The following PCDHA8 variants were observed in gnomAD, a reference collection of about 807,000 sequenced individuals.
PCDHA8 encodes protocadherin alpha 8, also known as protocadherin alpha-8.
In PCDHA8, 53 loss-of-function variants were observed where a neutral mutation model predicts 61.8. The observed-to-expected ratio is 0.86, with a 90% CI of 0.69 to 1.08. PCDHA8 has a LOEUF of 1.08. PCDHA8 is among the 50% of genes least tolerant of loss of function. The pLI is 0.00. For missense variants in PCDHA8, 1,293 were observed against 1,245.0 expected (o/e 1.04, Z -0.58); for synonymous variants, 618 against 556.6 (o/e 1.11, Z -1.55).
At chr5:140,871,443 T>C (rs1192118860) in intron 1 of PCDHA8, 13 of 1,610,650 alleles carry the variant, frequency 8.1e-6, no homozygotes, top group African/African-American at 1.3e-5. Flanking sequence ...TAGGTCTGAA[T>C]AAAGAGGAGG....
intron 1 of PCDHA8, among the ~76,000 whole-genome samples, chr5:140,940,131 G>A (rs1443086111): frequency 7.2e-5 from 11 of 152,092 alleles, no homozygotes; most frequent in African/African-American, 2.4e-4. Context: ...ATTTCTGCTA[G>A]TGATAAACTA....
chr5:140,874,053 CAATTT>C (rs1290519215), intron 1 of PCDHA8, among the ~76,000 whole-genome samples: 1 of 152,190 alleles, frequency 6.6e-6, no homozygotes, highest in Non-Finnish European at 1.5e-5. Flanking sequence ...TGATATTAGA[CAATTT>C]AAATAATTAG....
chr5:140,890,608 G>A (rs1451973329), intron 1 of PCDHA8, among the ~76,000 whole-genome samples: 1 of 152,026 alleles, frequency 6.6e-6, no homozygotes, highest in African/African-American at 2.4e-5. Flanking sequence ...AATAGCTAGT[G>A]CTTACCCTAG....
chr5:141,009,771 T>A lies in PCDHA8; in HGVS notation c.2687T>A (p.Ile896Asn). The change falls in exon 4 of 4, where the codon ATC (isoleucine) becomes AAC (asparagine). Residue 896 changes from isoleucine (I) to asparagine (N), a missense_variant. Transcript: ENST00000531613. The part of the protein sequence containing the change: ...DKFIIPGSPA[I>N]ISIRQEPTNS... ...TTCATTATCCCAGGATCTCCTGCAA[T>A]CATCTCCATCCGGCAGGAGCCTACT... 3 of 1,614,082 alleles carry A rather than the reference T, an allele frequency of 1.9e-6. No homozygotes were observed. Among genetic ancestry groups the A allele is most frequent in the Non-Finnish European group, 2.5e-6 (3 of 1,180,020 alleles).
intron 1 of PCDHA8, chr5:140,875,236 C>T: frequency 1.1e-6 from 1 of 889,228 alleles, no homozygotes. Context: ...CTTTCTTGTA[C>T]TTACATAATC....
At chr5:140,877,456 A>G (rs782196648) in intron 1 of PCDHA8, 18 of 1,613,802 alleles carry the variant, frequency 1.1e-5, no homozygotes, top group Non-Finnish European at 1.5e-5. Flanking sequence ...GCTGACGTCC[A>G]CGGCCACGGT....
In PCDHA8 at chr5:140,850,694, G is replaced by A. The variant is rs2150494629; in HGVS notation, c.2394+6979G>A. ...CGATGCCCACCGAGGGCGAGTGCGC[G>A]CCTGGCAAGCCGACGCTGGTGTGTT... On this transcript the variant is annotated intron_variant, in intron 1 of 3. Coordinates refer to ENST00000531613, the MANE Select transcript of PCDHA8 (RefSeq NM_018911.3). 483 of 1,598,228 alleles carry A rather than the reference G, an allele frequency of 3.0e-4. 44 individuals are homozygous for A. Among genetic ancestry groups the A allele is most frequent in the Non-Finnish European group, 3.8e-4 (449 of 1,167,808 alleles).
intron 1 of PCDHA8, chr5:140,928,748 G>T (rs191251073): frequency 6.2e-7 from 1 of 1,614,114 alleles, no homozygotes; most frequent in Admixed American, 1.7e-5. Flanking sequence ...GGTGAGCTCC[G>T]TACTGCTCGC....
At chr5:140,906,750 T>C (rs782209238) in intron 1 of PCDHA8, among the ~76,000 whole-genome samples, 2 of 152,216 alleles carry the variant, frequency 1.3e-5, no homozygotes, top group Non-Finnish European at 2.9e-5. Flanking sequence ...ACACAGGGCA[T>C]GGTAATACTA....
At chr5:140,991,988 C>T (rs1167776981) in intron 3 of PCDHA8, among the ~76,000 whole-genome samples, 1 of 151,478 alleles carries the variant, frequency 6.6e-6, no homozygotes, top group Non-Finnish European at 1.5e-5. Flanking sequence ...GCCTACCACC[C>T]GGTCTTTCAT....
At chr5:140,873,494 T>C (rs2153295972) in intron 1 of PCDHA8, among the ~76,000 whole-genome samples, 1 of 152,254 alleles carries the variant, frequency 6.6e-6, no homozygotes, top group South Asian at 2.1e-4. Flanking sequence ...TTCTGCAAAG[T>C]TGTGTCTTTT....
intron 3 of PCDHA8, among the ~76,000 whole-genome samples, chr5:140,984,425 A>G (rs1488284803): frequency 6.6e-6 from 1 of 152,174 alleles, no homozygotes; most frequent in Non-Finnish European, 1.5e-5. Context: ...GAGATAGAGA[A>G]GGGGATCTCC....
intron 3 of PCDHA8, among the ~76,000 whole-genome samples, chr5:141,008,133 A>G (rs782089475): frequency 6.6e-6 from 1 of 152,208 alleles, no homozygotes; most frequent in Non-Finnish European, 1.5e-5. Context: ...GGGGATGACA[A>G]ATGCTGCTGA....
intron 1 of PCDHA8, chr5:140,870,262 T>C (rs2051814541): frequency 6.2e-7 from 1 of 1,614,182 alleles, no homozygotes; most frequent in Non-Finnish European, 8.5e-7. Context: ...GGTGACCTGC[T>C]CGCTGACGCC....
At chr5:140,878,897 A>G (rs1366976155) in intron 1 of PCDHA8, among the ~76,000 whole-genome samples, 1 of 152,232 alleles carries the variant, frequency 6.6e-6, no homozygotes, top group Non-Finnish European at 1.5e-5. Context: ...GACTACAGGC[A>G]GGCTCCACCA....
intron 1 of PCDHA8, chr5:140,849,231 C>T (rs2040825064): frequency 9.5e-7 from 1 of 1,049,088 alleles, no homozygotes; most frequent in Admixed American, 2.7e-5. Context: ...CGACAGAACC[C>T]TGTATACGGT....
intron 1 of PCDHA8, chr5:140,882,774 C>T (rs782785084): frequency 1.2e-6 from 2 of 1,614,228 alleles, no homozygotes; most frequent in Non-Finnish European, 1.7e-6. Flanking sequence ...TCGGCATTGA[C>T]CTACCGACTG....
chr5:140,846,590 G>A (rs1780577373), intron 1 of PCDHA8, among the ~76,000 whole-genome samples: 1 of 148,312 alleles, frequency 6.7e-6, no homozygotes, highest in African/African-American at 2.5e-5. Context: ...TAGCCAGGAT[G>A]GTCTCGATCT....
intron 3 of PCDHA8, among the ~76,000 whole-genome samples, chr5:141,000,421 ATTTTTTT>A (rs34755515): frequency 5.7e-4 from 16 of 27,976 alleles, no homozygotes; most frequent in Non-Finnish European, 7.4e-4. Flanking sequence ...ATATATATAT[ATTTTTTT>A]TTTTTTTTTT....
Sources: gnomAD v4.1 joint callset for allele counts (sites outside exome capture counted in the v4.1 genomes callset) on GRCh38, gnomAD v4.1.1 for gene constraint, MANE v1.5 for transcripts, NCBI Gene and HGNC (gene_info 2026-07-23, HGNC 2026-07-21) for gene names.